Variants in ABCB4 observed in about 807,000 individuals in gnomAD.
The protein encoded by ABCB4 is phosphatidylcholine translocator ABCB4.
A neutral mutation model predicts 145.7 loss-of-function variants in ABCB4; 76 were observed. The observed-to-expected ratio is 0.52, with a 90% CI of 0.43 to 0.63. ABCB4 has a LOEUF of 0.63. ABCB4 is among the 30% of genes least tolerant of loss of function. The probability of loss-of-function intolerance (pLI) is 0.00; values close to 1 mark genes in which losing one functional copy is unlikely to be tolerated. For synonymous variants in ABCB4, 517 were observed against 566.8 expected, an observed-to-expected ratio of 0.91 and a Z score of 1.25; for missense variants, 1,234 against 1,553.1, an observed-to-expected ratio of 0.79 and a Z score of 3.45.
chr7:87,420,120 G>T, intron 18 of ABCB4, 45 bp from the exon 19 acceptor site: 1 of 1,560,688 alleles, frequency 6.4e-7, no homozygotes, highest in Non-Finnish European at 8.8e-7. Flanking sequence ...CTTTATGTAT[G>T]TAATTGCACC....
intron 19 of ABCB4, among the ~76,000 whole-genome samples, chr7:87,418,884 C>T (rs1257584465): frequency 6.6e-6 from 1 of 152,168 alleles, no homozygotes; most frequent in Non-Finnish European, 1.5e-5. Flanking sequence ...GCCAGCTCCT[C>T]CCAAGGCTGG....
At chr7:87,369,520 T>C in the ABCB4 span, 1 of 1,411,884 alleles carries the variant, frequency 7.1e-7, no homozygotes, top group South Asian at 1.2e-5. Context: ...CATTAGGTCT[T>C]ATGGTGTTGC....
intron 25 of ABCB4, among the ~76,000 whole-genome samples, chr7:87,407,545 G>A (rs45558538): frequency 5.1e-4 from 77 of 152,274 alleles, no homozygotes; most frequent in African/African-American, 1.2e-3. Context: ...AGAGCCACGG[G>A]GCTACATGCT....
chr7:87,444,011 T>C (rs1811174394), intron 10 of ABCB4, among the ~76,000 whole-genome samples: 1 of 152,198 alleles, frequency 6.6e-6, no homozygotes, highest in Non-Finnish European at 1.5e-5. Context: ...TCATTTCATA[T>C]AATATTTCCC....
At chr7:87,469,745 C>T (rs1191327831) in intron 3 of ABCB4, among the ~76,000 whole-genome samples, 1 of 152,024 alleles carries the variant, frequency 6.6e-6, no homozygotes, top group Non-Finnish European at 1.5e-5. Context: ...AAGAACATTC[C>T]ATGCTCATGG....
the ABCB4 span, chr7:87,392,810 C>G: frequency 9.7e-5 from 157 of 1,613,468 alleles, no homozygotes; most frequent in African/African-American, 1.2e-3. Flanking sequence ...TACGGACCCA[C>G]TTTTTTCCAA....
the ABCB4 span, chr7:87,391,711 A>T: frequency 6.2e-7 from 1 of 1,604,810 alleles, no homozygotes; most frequent in East Asian, 2.3e-5. Context: ...CCTTCTGTCA[A>T]TGTGAGTATT....
At position 87,451,777 on chromosome 7, in the gene ABCB4, C is replaced by A; in HGVS notation, c.554G>T (p.Ser185Ile). ...TCCAACCTTGTCACCAATTCCTTCA[C>A]TGATTTTGGAGATGTCACTAAAAAA... ...TRLTDDISKI[S>I]EGIGDKVGMF... The change falls in exon 7 of 28, where the codon AGT (serine) becomes ATT (isoleucine). Residue 185 changes from serine (S) to isoleucine (I), a missense_variant. Ser to Ile is a moderately radical substitution (Grantham distance 142). Coordinates refer to ENST00000649586, the MANE Select transcript of ABCB4 (RefSeq NM_000443.4). The A allele has an allele frequency of 6.2e-7, 1 of 1,614,140 alleles. No individual in the cohort carries two copies. Among genetic ancestry groups the A allele is most frequent in the Non-Finnish European group, 8.5e-7 (1 of 1,180,022 alleles).
At chr7:87,391,018 A>C in the ABCB4 span, among the ~76,000 whole-genome samples, 7 of 152,172 alleles carry the variant, frequency 4.6e-5, no homozygotes, top group Non-Finnish European at 2.9e-5. Flanking sequence ...GGCTGTTTTC[A>C]TCTGCTCTCC....
rs1809480094 is a variant in ABCB4, at chr7:87,422,109, A to G, written c.2316+12T>C. 5 of 1,561,786 alleles carry G rather than the reference A, an allele frequency of 3.2e-6. No individual in the cohort carries two copies. The highest frequency in any genetic ancestry group is 3.5e-6 in the Non-Finnish European group (4 of 1,135,670). On this transcript the variant is annotated intron_variant, in intron 18 of 27. Coordinates refer to ENST00000649586, the MANE Select transcript of ABCB4 (RefSeq NM_000443.4). The stretch of plus-strand genomic sequence containing the variant: ...ATAAACTTGATGAGAAAGGCAAATC[A>G]TGGGTACCTACCTGAAGGAAGAAAG...
chr7:87,408,641 C>A (rs1241926215), intron 24 of ABCB4, among the ~76,000 whole-genome samples: 1 of 152,198 alleles, frequency 6.6e-6, no homozygotes, highest in Non-Finnish European at 1.5e-5. Context: ...TTCTTAAGTT[C>A]ACTTTCTTTA....
chr7:87,438,774 A>G (rs903863764), intron 14 of ABCB4, among the ~76,000 whole-genome samples: 25 of 152,166 alleles, frequency 1.6e-4, no homozygotes, highest in Non-Finnish European at 2.8e-4. Flanking sequence ...GAGTCAAGAT[A>G]TTAAGCTGAT....
intron 4 of ABCB4, among the ~76,000 whole-genome samples, chr7:87,457,709 A>G (rs45607141): frequency 0.23 from 34,875 of 152,150 alleles, 5,344 homozygotes; most frequent in African/African-American, 0.44. Context: ...CCTCTCAAAG[A>G]TGAGAACAGT....
At chr7:87,382,457 C>T in the ABCB4 span, 1 of 1,613,860 alleles carries the variant, frequency 6.2e-7, no homozygotes, top group Non-Finnish European at 8.5e-7. Context: ...CATCTTTTGG[C>T]AAAAAGCTAA....
chr7:87,395,405 A>T, the ABCB4 span, among the ~76,000 whole-genome samples: 1 of 152,192 alleles, frequency 6.6e-6, no homozygotes, highest in South Asian at 2.1e-4. Flanking sequence ...TCTCAGACAC[A>T]CCCAGGATCA....
intron 7 of ABCB4, 135 bp from the exon 8 acceptor site, chr7:87,450,227 G>T: frequency 8.0e-7 from 1 of 1,251,776 alleles, no homozygotes; most frequent in Non-Finnish European, 1.1e-6. Flanking sequence ...GCAAATGCCA[G>T]TGTTCTGGAT....
chr7:87,383,323 A>T, the ABCB4 span, among the ~76,000 whole-genome samples: 1 of 151,756 alleles, frequency 6.6e-6, no homozygotes, highest in African/African-American at 2.4e-5. Flanking sequence ...CACGAGATCA[A>T]TTTTTTTTAA....
At chr7:87,375,804 G>T in the ABCB4 span, 2 of 1,612,858 alleles carry the variant, frequency 1.2e-6, no homozygotes, top group South Asian at 2.2e-5. Flanking sequence ...TGTAATATTT[G>T]ATCATCATCT....
At chr7:87,423,847 G>C (rs1809618771) in intron 17 of ABCB4, 59 bp downstream of exon 17, 1 of 1,607,052 alleles carries the variant, frequency 6.2e-7, no homozygotes, top group African/African-American at 1.3e-5. Flanking sequence ...GAGGTTGGGA[G>C]AAGCAGCAGC....
Sources: gnomAD v4.1 joint callset for allele counts (sites outside exome capture counted in the v4.1 genomes callset) on GRCh38, gnomAD v4.1.1 for gene constraint, MANE v1.5 for transcripts, NCBI Gene and HGNC (gene_info 2026-07-23, HGNC 2026-07-21) for gene names.